Variants in H2BC5 observed in about 807,000 individuals in gnomAD.
H2BC5 encodes histone H2B type 1-D.
A neutral mutation model predicts 5.7 loss-of-function variants in H2BC5; 9 were observed. The observed-to-expected ratio is 1.57, with a 90% CI of 0.95 to 2.74. The LOEUF is 2.74. Ranked by LOEUF, H2BC5 falls within the 30% of genes most tolerant of loss-of-function variation. The pLI is 0.00. For missense variants in H2BC5, 175 were observed against 168.8 expected (o/e 1.04, Z -0.20); for synonymous variants, 133 against 70.9 (o/e 1.88, Z -4.40).
intron 1 of H2BC5, among the ~76,000 whole-genome samples, chr6:26,165,494 G>A (rs547475386): frequency 4.6e-5 from 7 of 152,108 alleles, no homozygotes; most frequent in East Asian, 3.9e-4. Context: ...CCGTCCTGCC[G>A]TGACGTCCTG....
At chr6:26,162,799 A>G (rs373243891), downstream of H2BC5, among the ~76,000 whole-genome samples, 142 of 152,312 alleles carry the variant, frequency 9.3e-4, 1 homozygote, top group African/African-American at 2.4e-3. Context: ...ATGGGGTCCC[A>G]AAGTGCTGGG....
chr6:26,169,536 T>C (rs1764485228), intron 1 of H2BC5, among the ~76,000 whole-genome samples: 1 of 152,176 alleles, frequency 6.6e-6, no homozygotes, highest in Non-Finnish European at 1.5e-5. Flanking sequence ...TTTCAAAATA[T>C]TCTTTATAAA....
chr6:26,171,240 A>C (rs562518161), exon 2 of H2BC5: 1 of 152,332 alleles, frequency 6.6e-6, no homozygotes, highest in South Asian at 2.1e-4. Flanking sequence ...AGTTACTGGG[A>C]ATTCATTACT....
At chr6:26,166,271 A>T (rs919670279) in intron 1 of H2BC5, among the ~76,000 whole-genome samples, 2 of 152,138 alleles carry the variant, frequency 1.3e-5, no homozygotes, top group Non-Finnish European at 2.9e-5. Flanking sequence ...AGTGGTTAGT[A>T]TGTGGGAAGC....
Position 26,166,712 on chromosome 6 carries a change from T to G in H2BC5, c.*10-4263T>G, listed in dbSNP as rs1355726894. ...TTTGGCTTTTTTTTTTTTTTTTTTT[T>G]TTTTTGACACGGAGTCTTGTTCTGT... On this transcript the variant is annotated intron_variant, in intron 1 of 1. Transcript: ENST00000289316. 2.6e-3 allele frequency among the ~76,000 whole-genome samples: 389 copies of G among 147,406 alleles called. 5 individuals carry two copies. Among genetic ancestry groups the G allele is most frequent in the East Asian group, 0.01 (53 of 5,080 alleles).
chr6:26,159,693 GA>G (rs1764321625), downstream of H2BC5, among the ~76,000 whole-genome samples: 1 of 152,086 alleles, frequency 6.6e-6, no homozygotes, highest in Admixed American at 6.6e-5. Flanking sequence ...GTGATGGATG[GA>G]TGATCATTGT....
Position 26,158,467 on chromosome 6 carries a change from C to A in H2BC5, c.298C>A (p.Arg100Ser). The A allele has an allele frequency of 6.2e-7, 1 of 1,614,248 alleles. No homozygotes were observed. The highest frequency in any genetic ancestry group is 8.5e-7 in the Non-Finnish European group (1 of 1,180,046). The change falls in exon 1 of 1, where the codon CGC becomes AGC. Residue 100 changes from arginine (R) to serine (S), a missense_variant. Coordinates refer to ENST00000377777, the MANE Select transcript of H2BC5 (RefSeq NM_021063.4). ...CTCCAGGGAGATCCAGACGGCCGTGCGCCTGCTGCTTCCGGGGGAGCTGGC... is the reference window on the plus strand; with the variant it reads ...CTCCAGGGAGATCCAGACGGCCGTGAGCCTGCTGCTTCCGGGGGAGCTGGC... ...ITSREIQTAV[R>S]LLLPGELAKH...
downstream of H2BC5, among the ~76,000 whole-genome samples, chr6:26,162,023 CAG>C (rs1298791918): frequency 6.6e-6 from 1 of 151,992 alleles, no homozygotes; most frequent in Non-Finnish European, 1.5e-5. Flanking sequence ...AATATTTAAA[CAG>C]AAAAATGATA....
chr6:26,170,800 C>G (rs183164958), intron 1 of H2BC5, among the ~76,000 whole-genome samples: 2 of 152,276 alleles, frequency 1.3e-5, no homozygotes, highest in East Asian at 1.9e-4. Context: ...TATTTCTTGA[C>G]TAAGCATGAC....
chr6:26,164,865 G>C (rs1764397507), intron 1 of H2BC5, among the ~76,000 whole-genome samples: 1 of 151,940 alleles, frequency 6.6e-6, no homozygotes, highest in Admixed American at 6.6e-5. Flanking sequence ...TTCTCTCTCT[G>C]CTGTCCCTAC....
At chr6:26,167,732 C>T (rs1764453052) in intron 1 of H2BC5, among the ~76,000 whole-genome samples, 1 of 152,062 alleles carries the variant, frequency 6.6e-6, no homozygotes, top group Non-Finnish European at 1.5e-5. Flanking sequence ...CCACCCTCTC[C>T]CACTTCAGGC....
chr6:26,163,952 A>G, intron 1 of H2BC5: 3 of 273,242 alleles, frequency 1.1e-5, no homozygotes, highest in South Asian at 3.7e-5. Flanking sequence ...ATGTTATTCA[A>G]TATAAACAAG....
downstream of H2BC5, among the ~76,000 whole-genome samples, chr6:26,159,713 G>A (rs1004137977): frequency 8.5e-5 from 13 of 152,106 alleles, no homozygotes; most frequent in African/African-American, 2.9e-4. Flanking sequence ...GTCTAAAAGA[G>A]GAATGAATTT....
chr6:26,170,979 G>A (rs1192291380), exon 2 of H2BC5: 1 of 152,174 alleles, frequency 6.6e-6, no homozygotes, highest in African/African-American at 2.4e-5. Context: ...AATCAGGGGA[G>A]AGACATGAAG....
Position 26,158,278 on chromosome 6 carries a change from A to T in H2BC5, c.109A>T (p.Ser37Cys). ...GAAGCGCAAGCGCAGCCGCAAGGAG[A>T]GCTATTCAGTGTATGTGTACAAGGT... ...GKKRKRSRKESYSVYVYKVLK... is the reference protein window; with the variant it reads ...GKKRKRSRKECYSVYVYKVLK... Residue 37 changes from serine to cysteine, a missense_variant, in exon 1 of 1, where the codon AGC becomes TGC. By Grantham distance (112) the Ser-to-Cys change is moderately radical (BLOSUM62 -1). Transcript: ENST00000377777. 1 of 1,614,238 alleles carries T rather than the reference A, an allele frequency of 6.2e-7. No homozygotes were observed. Among genetic ancestry groups the T allele is most frequent in the Non-Finnish European group, 8.5e-7 (1 of 1,180,042 alleles).
chr6:26,168,383 G>C (rs1249931626), intron 1 of H2BC5, among the ~76,000 whole-genome samples: 1 of 151,776 alleles, frequency 6.6e-6, no homozygotes, highest in East Asian at 1.9e-4. Context: ...GCTTGAACCC[G>C]GGAGGCAGAG....
intron 1 of H2BC5, chr6:26,164,363 G>A: frequency 4.2e-6 from 1 of 240,162 alleles, no homozygotes; most frequent in South Asian, 6.4e-5. Context: ...TGGGGCTTGA[G>A]GCAGGGAAAG....
At chr6:26,161,362 A>C (rs1764349262), downstream of H2BC5, among the ~76,000 whole-genome samples, 1 of 152,254 alleles carries the variant, frequency 6.6e-6, no homozygotes, top group Non-Finnish European at 1.5e-5. Flanking sequence ...AGCTTACTGC[A>C]TGTGTTTAAC....
chr6:26,165,353 TG>T (rs1362876452), intron 1 of H2BC5, among the ~76,000 whole-genome samples: 1 of 152,118 alleles, frequency 6.6e-6, no homozygotes, highest in Non-Finnish European at 1.5e-5. Context: ...GGCAAGAGTT[TG>T]TGGTGGCTTG....
Sources: gnomAD v4.1 joint callset for allele counts (sites outside exome capture counted in the v4.1 genomes callset) on GRCh38, gnomAD v4.1.1 for gene constraint, MANE v1.5 for transcripts, NCBI Gene and HGNC (gene_info 2026-07-23, HGNC 2026-07-21) for gene names.